Variants in SLC12A6 observed in about 807,000 individuals in gnomAD.
SLC12A6 encodes K-Cl cotransporter 3.
A neutral mutation model predicts 135.3 loss-of-function variants in SLC12A6; 66 were observed. The ratio of observed to expected loss-of-function variants is 0.49; its 90% confidence interval spans 0.40 to 0.60. SLC12A6 has a LOEUF of 0.60. Among genes scored for constraint, SLC12A6 ranks in the 20% least tolerant of loss-of-function variants. SLC12A6 has a pLI of 0.00. For missense variants in SLC12A6, 1,058 were observed against 1,452.3 expected (o/e 0.73, Z 4.41); for synonymous variants, 513 against 508.8 (o/e 1.01, Z -0.11).
In SLC12A6 at chr15:34,233,270, A is replaced by G. The variant is rs577520802; in HGVS notation, c.*611T>C. 1 of 155,664 alleles carries G rather than the reference A, an allele frequency of 6.4e-6. No homozygotes were observed. Among genetic ancestry groups the G allele is most frequent in the South Asian group, 1.9e-4 (1 of 5,162 alleles). 9.6% of individuals were successfully genotyped at this position (155,664 alleles called of 1,614,324 possible). ...ACACTGACACAGTATTTGGATATTT[A>G]AATCTGGTATTTTGGGGGGATGTTT... is the stretch of plus-strand genomic sequence containing the variant. On this transcript the variant is annotated 3_prime_UTR_variant, in exon 26 of 26. Transcript: ENST00000354181.
intron 2 of SLC12A6, among the ~76,000 whole-genome samples, chr15:34,317,626 T>G (rs927374230): frequency 6.6e-6 from 1 of 152,010 alleles, no homozygotes; most frequent in African/African-American, 2.4e-5. Context: ...TCGCTTGAAC[T>G]CGAGAGGCGG....
intron 1 of SLC12A6, chr15:34,336,985 T>TAAC (rs1238156438): frequency 1.2e-4 from 50 of 408,326 alleles, no homozygotes; most frequent in South Asian, 1.0e-3. Flanking sequence ...GCTACCTAGC[T>TAAC]AACCCCTCTG....
chr15:34,257,580 T>C (rs972965863), intron 6 of SLC12A6, 62 bp downstream of exon 6: 2 of 1,257,796 alleles, frequency 1.6e-6, no homozygotes, highest in African/African-American at 1.5e-5. Flanking sequence ...AGAGGTCATG[T>C]GCATCTGCTC....
intron 2 of SLC12A6, among the ~76,000 whole-genome samples, chr15:34,319,882 GA>G (rs907913963): frequency 0.043 from 6,101 of 141,652 alleles, 230 homozygotes; most frequent in African/African-American, 0.11. Context: ...TTGTTTCAAA[GA>G]AAAAAAAAAA....
At chr15:34,253,298 C>T (rs1204096802) in intron 9 of SLC12A6, among the ~76,000 whole-genome samples, 1 of 152,058 alleles carries the variant, frequency 6.6e-6, no homozygotes, top group Admixed American at 6.5e-5. Flanking sequence ...AAGAAAATAC[C>T]ATGCATTATG....
intron 2 of SLC12A6, among the ~76,000 whole-genome samples, chr15:34,306,142 AGATGGG>A (rs1443029466): frequency 2.0e-5 from 3 of 152,222 alleles, no homozygotes; most frequent in African/African-American, 7.2e-5. Context: ...TGGCTTCCCC[AGATGGG>A]TTGTTTATCT....
chr15:34,286,934 A>G (rs2140945703), intron 2 of SLC12A6, among the ~76,000 whole-genome samples: 1 of 152,326 alleles, frequency 6.6e-6, no homozygotes, highest in East Asian at 1.9e-4. Context: ...GAAATTACTT[A>G]TAACAATTTG....
chr15:34,275,522 A>C, intron 2 of SLC12A6, 133 bp from the exon 3 acceptor site: 1 of 645,830 alleles, frequency 1.5e-6, no homozygotes, highest in South Asian at 1.7e-5. Context: ...ATTAATGTGA[A>C]GATAATAAAA....
chr15:34,236,407 G>A (rs140417553), intron 23 of SLC12A6, among the ~76,000 whole-genome samples: 8 of 152,066 alleles, frequency 5.3e-5, no homozygotes, highest in East Asian at 1.9e-4. Flanking sequence ...GTGCAGTGGC[G>A]TGATCTTGGC....
At chr15:34,242,264 A>G (rs1240275578) in intron 16 of SLC12A6, 43 bp from the exon 17 acceptor site, 4 of 1,473,472 alleles carry the variant, frequency 2.7e-6, no homozygotes, top group East Asian at 2.3e-5. Flanking sequence ...AAGTAGCTGA[A>G]AAAGAAGCCT....
intron 3 of SLC12A6, among the ~76,000 whole-genome samples, chr15:34,271,327 A>T (rs1304170305): frequency 6.6e-6 from 1 of 151,506 alleles, no homozygotes; most frequent in Non-Finnish European, 1.5e-5. Context: ...GATTGCAAAT[A>T]TTTCGTTCAG....
chr15:34,238,455 T>C, intron 20 of SLC12A6, 54 bp from the exon 21 acceptor site: 1 of 1,398,760 alleles, frequency 7.1e-7, no homozygotes, highest in Non-Finnish European at 1.0e-6. Context: ...CCTTGCTTCC[T>C]AGCATGTCAG....
intron 2 of SLC12A6, among the ~76,000 whole-genome samples, chr15:34,310,174 A>AGTGTGTGCGT (rs1888056105): frequency 7.8e-6 from 1 of 127,744 alleles, no homozygotes; most frequent in African/African-American, 3.4e-5. Context: ...ACGCCCAGCT[A>AGTGTGTGCGT]GTGTGTGTGT....
intron 14 of SLC12A6, 38 bp from the exon 15 acceptor site, chr15:34,245,441 G>A (rs1170707081): frequency 6.0e-6 from 7 of 1,170,920 alleles, no homozygotes; most frequent in Non-Finnish European, 9.0e-6. Flanking sequence ...CAGGAGTACT[G>A]AGTCATTGCT....
chr15:34,320,391 T>C (rs374721672), intron 2 of SLC12A6, among the ~76,000 whole-genome samples: 2 of 152,150 alleles, frequency 1.3e-5, no homozygotes, highest in African/African-American at 2.4e-5. Flanking sequence ...AAGCCAAGCA[T>C]AGAGAGACAA....
chr15:34,261,002 G>T lies in SLC12A6; in HGVS notation c.335C>A (p.Ala112Asp). 6.4e-7 allele frequency: 1 copy of T among 1,563,632 alleles called. No homozygotes were observed. Among genetic ancestry groups the T allele is most frequent in the Non-Finnish European group, 8.8e-7 (1 of 1,134,328 alleles). ...GGAATTATTGAGATAAGCATTTCGA[G>T]CTTTCTTATGTCCGTCGTCTGGAAA... ...SQLLDDGHKK[A>D]RNAYLNNSNY... The change falls in exon 4 of 26, where the codon GCT becomes GAT. Residue 112 changes from alanine (A) to aspartate (D), a missense_variant. By Grantham distance (126) the Ala-to-Asp change is moderately radical. Coordinates refer to ENST00000354181, the MANE Select transcript of SLC12A6 (RefSeq NM_001365088.1).
At chr15:34,272,323 G>A (rs1894021097) in intron 3 of SLC12A6, among the ~76,000 whole-genome samples, 1 of 152,050 alleles carries the variant, frequency 6.6e-6, no homozygotes. Flanking sequence ...CTTATCAGAT[G>A]GTTAGAAAAT....
At chr15:34,247,566 A>T (rs774072575) in intron 13 of SLC12A6, among the ~76,000 whole-genome samples, 2 of 152,130 alleles carry the variant, frequency 1.3e-5, no homozygotes, top group Non-Finnish European at 2.9e-5. Context: ...GCACATCTGA[A>T]GATTTCTACA....
intron 16 of SLC12A6, 44 bp from the exon 17 acceptor site, chr15:34,242,265 AAAG>A: frequency 6.8e-7 from 1 of 1,467,288 alleles, no homozygotes. Flanking sequence ...AGTAGCTGAA[AAAG>A]AAGCCTATGT....
Sources: gnomAD v4.1 joint callset for allele counts (sites outside exome capture counted in the v4.1 genomes callset) on GRCh38, gnomAD v4.1.1 for gene constraint, MANE v1.5 for transcripts, NCBI Gene and HGNC (gene_info 2026-07-23, HGNC 2026-07-21) for gene names.